The following PCDH7 variants were observed in gnomAD, a reference collection of about 807,000 sequenced individuals.
PCDH7 encodes protocadherin-7.
In PCDH7, 17 loss-of-function variants were observed where a neutral mutation model predicts 58.9. The observed-to-expected ratio is 0.29, with a 90% CI of 0.20 to 0.43. The LOEUF (loss-of-function observed/expected upper bound fraction) is 0.43. PCDH7 is among the 20% of genes least tolerant of loss of function. The probability of loss-of-function intolerance (pLI) is 1.00; values close to 1 mark genes in which losing one functional copy is unlikely to be tolerated. For missense variants in PCDH7, 1,274 were observed against 1,441.0 expected (o/e 0.88, Z 1.88); for synonymous variants, 664 against 616.4 (o/e 1.08, Z -1.14).
At chr4:30,975,291 A>G (rs1467516782) in intron 3 of PCDH7, among the ~76,000 whole-genome samples, 2 of 152,100 alleles carry the variant, frequency 1.3e-5, no homozygotes, top group African/African-American at 4.8e-5. Flanking sequence ...ATGAAAAGCC[A>G]TGAAAAATAT....
chr4:30,751,339 C>T (rs1718495884), intron 1 of PCDH7, among the ~76,000 whole-genome samples: 2 of 152,178 alleles, frequency 1.3e-5, no homozygotes, highest in South Asian at 4.1e-4. Flanking sequence ...AGTGATTACA[C>T]TTAATACATA....
intron 1 of PCDH7, among the ~76,000 whole-genome samples, chr4:30,753,698 ATTC>A (rs1718873141): frequency 6.6e-6 from 1 of 152,138 alleles, no homozygotes; most frequent in African/African-American, 2.4e-5. Flanking sequence ...CTCTGTTCTT[ATTC>A]TTGTGAAGCT....
chr4:30,871,432 C>A (rs753840996), intron 1 of PCDH7, among the ~76,000 whole-genome samples: 2 of 152,040 alleles, frequency 1.3e-5, no homozygotes, highest in Non-Finnish European at 2.9e-5. Flanking sequence ...TTCTTAGTCA[C>A]TTTGCCCATT....
At chr4:30,949,424 C>A (rs1337719757) in intron 2 of PCDH7, among the ~76,000 whole-genome samples, 1 of 151,930 alleles carries the variant, frequency 6.6e-6, no homozygotes, top group African/African-American at 2.4e-5. Flanking sequence ...TAATTTACTG[C>A]CATCAACTGT....
chr4:30,890,746 G>A (rs1226568858), intron 1 of PCDH7, among the ~76,000 whole-genome samples: 1 of 152,010 alleles, frequency 6.6e-6, no homozygotes, highest in Non-Finnish European at 1.5e-5. Context: ...CTTCATATCA[G>A]CATTCTTTTG....
At chr4:30,975,486 A>G (rs1749989726) in intron 3 of PCDH7, among the ~76,000 whole-genome samples, 1 of 152,186 alleles carries the variant, frequency 6.6e-6, no homozygotes, top group Non-Finnish European at 1.5e-5. Flanking sequence ...AATCCTAGAA[A>G]GACTACCAAA....
intron 3 of PCDH7, among the ~76,000 whole-genome samples, chr4:30,965,644 C>G (rs1320570493): frequency 6.6e-6 from 1 of 151,892 alleles, no homozygotes; most frequent in Non-Finnish European, 1.5e-5. Flanking sequence ...TCTTCCAGTG[C>G]AAATTAGGTT....
chr4:30,771,135 A>C (rs1026802447), intron 1 of PCDH7, among the ~76,000 whole-genome samples: 1 of 152,126 alleles, frequency 6.6e-6, no homozygotes, highest in Non-Finnish European at 1.5e-5. Flanking sequence ...TGATCTATTT[A>C]TTTTCACCAG....
At chr4:30,915,927 A>G (rs925139880) in intron 1 of PCDH7, among the ~76,000 whole-genome samples, 4 of 152,138 alleles carry the variant, frequency 2.6e-5, no homozygotes, top group Admixed American at 6.6e-5. Context: ...AGAGATCTCA[A>G]CCAACAAACC....
chr4:30,886,998 G>T (rs1737897666), intron 1 of PCDH7, among the ~76,000 whole-genome samples: 1 of 102,640 alleles, frequency 9.7e-6, no homozygotes, highest in Non-Finnish European at 1.9e-5. Context: ...GGGGAGGGGG[G>T]AGGGATAGCA....
In PCDH7 at chr4:30,722,478, G is replaced by A. The variant is rs761732619; in HGVS notation, c.1056G>A (p.Glu352=). The A allele has an allele frequency of 1.9e-6, 3 of 1,609,874 alleles. No homozygotes were observed. The highest frequency in any genetic ancestry group is 1.3e-5 in the African/African-American group (1 of 74,928). Residue 352 remains glutamate (E), a synonymous_variant, in exon 1 of 2, where the codon GAG becomes GAA. Coordinates refer to ENST00000361762, the Ensembl canonical transcript of PCDH7. This position sits in a 1 kb window ranked among gnomAD's most constrained non-coding sequence, Gnocchi z 7.6. ...AATACGTGTTCGGGGCGGCCACCGA[G>A]TCGGTGAGGCGGCTGCTGCGCCTTG... is the stretch of plus-strand genomic sequence containing the variant.
intron 3 of PCDH7, among the ~76,000 whole-genome samples, chr4:31,134,258 G>A (rs552169852): frequency 7.9e-5 from 12 of 151,980 alleles, no homozygotes; most frequent in Non-Finnish European, 1.5e-4. Context: ...TCAGGAGATC[G>A]AGACCATCCT....
chr4:31,038,654 A>G (rs1378866074), intron 3 of PCDH7, among the ~76,000 whole-genome samples: 4 of 152,166 alleles, frequency 2.6e-5, no homozygotes. Context: ...TTTCTTCATC[A>G]GAAATTCTGT....
chr4:31,127,371 T>C (rs1239450758), intron 3 of PCDH7, among the ~76,000 whole-genome samples: 1 of 152,198 alleles, frequency 6.6e-6, no homozygotes, highest in Non-Finnish European at 1.5e-5. Flanking sequence ...CCTAAATGTA[T>C]GTAATTTGAC....
chr4:30,903,892 C>T (rs1740550909), intron 1 of PCDH7, among the ~76,000 whole-genome samples: 1 of 151,970 alleles, frequency 6.6e-6, no homozygotes, highest in Non-Finnish European at 1.5e-5. Context: ...AAAAGTAAGA[C>T]TATAAAGACT....
At chr4:30,746,919 A>G (rs1226413025) in intron 1 of PCDH7, among the ~76,000 whole-genome samples, 1 of 152,074 alleles carries the variant, frequency 6.6e-6, no homozygotes, top group Non-Finnish European at 1.5e-5. Flanking sequence ...CCATGTGAGG[A>G]TTTCGAAATA....
At chr4:31,010,769 A>G (rs1192282699) in intron 3 of PCDH7, among the ~76,000 whole-genome samples, 1 of 151,892 alleles carries the variant, frequency 6.6e-6, no homozygotes, top group Admixed American at 6.6e-5. Context: ...GTTTAACCAG[A>G]CCTCCACCTA....
chr4:30,859,135 G>A (rs1733863116), intron 1 of PCDH7, among the ~76,000 whole-genome samples: 1 of 152,000 alleles, frequency 6.6e-6, no homozygotes, highest in Non-Finnish European at 1.5e-5. Context: ...TGTTCATTTT[G>A]TTTTTGTTAT....
At chr4:30,830,794 A>G (rs377614919) in intron 1 of PCDH7, among the ~76,000 whole-genome samples, 36 of 152,106 alleles carry the variant, frequency 2.4e-4, no homozygotes, top group East Asian at 1.9e-3. Flanking sequence ...GTTGTATTTG[A>G]TCTCATTATT....
Sources: gnomAD v4.1 joint callset for allele counts (sites outside exome capture counted in the v4.1 genomes callset) on GRCh38, gnomAD v4.1.1 for gene constraint, Gnocchi (gnomAD v3.1) non-coding constraint, MANE v1.5 for transcripts, NCBI Gene and HGNC (gene_info 2026-07-23, HGNC 2026-07-21) for gene names.